The following CIDEC variants were observed in gnomAD, a reference collection of about 807,000 sequenced individuals.
CIDEC encodes the protein lipid transferase CIDEC.
A neutral mutation model predicts 21.9 loss-of-function variants in CIDEC; 11 were observed. That is an observed-to-expected ratio of 0.50 (90% CI 0.32 to 0.83). The LOEUF is 0.83. Among genes scored for constraint, CIDEC ranks in the 40% least tolerant of loss-of-function variants. The pLI is 0.04. For synonymous variants in CIDEC, 127 were observed against 124.9 expected (o/e 1.02, Z -0.11); for missense variants, 302 against 302.3 (o/e 1.00, Z 0.01).
intron 2 of CIDEC, 160 bp downstream of exon 2, chr3:9,878,782 A>G: frequency 1.3e-6 from 2 of 1,535,764 alleles, no homozygotes; most frequent in Non-Finnish European, 1.7e-6. Context: ...CACTCACTCC[A>G]TGTTTCTCAT....
intron 4 of CIDEC, among the ~76,000 whole-genome samples, chr3:9,870,768 T>C (rs2082337258): frequency 6.6e-6 from 1 of 151,966 alleles, no homozygotes; most frequent in Non-Finnish European, 1.5e-5. Flanking sequence ...GCCTCCCGAG[T>C]AGCTGGGACT....
At chr3:9,879,472 C>T (rs1287312193) in intron 1 of CIDEC, among the ~76,000 whole-genome samples, 1 of 152,026 alleles carries the variant, frequency 6.6e-6, no homozygotes, top group Admixed American at 6.5e-5. Context: ...GCACCTGGCA[C>T]AGGAGCTGTA....
Position 9,870,279 on chromosome 3 carries a change from A to T in CIDEC, c.251T>A (p.Val84Glu), listed in dbSNP as rs1304763852. 1 of 1,613,904 alleles carries T rather than the reference A, an allele frequency of 6.2e-7. No homozygotes were observed. Among genetic ancestry groups the T allele is most frequent in the Non-Finnish European group, 8.5e-7 (1 of 1,179,960 alleles). Residue 84 changes from valine to glutamate, a missense_variant, in exon 5 of 7, where the codon GTG becomes GAG. Val to Glu is a moderately radical substitution (Grantham distance 121). Coordinates refer to ENST00000336832, the MANE Select transcript of CIDEC (RefSeq NM_001321142.2). ...LMLADKPFFLVLEEDGTTVET... is the reference protein window; with the variant it reads ...LMLADKPFFLELEEDGTTVET... ...TACAGTTGTGCCATCTTCCTCCAGC[A>T]CCAGGAAGAAGGGCTTGTCTGCCAG...
chr3:9,872,009 C>T (rs1472130772), intron 4 of CIDEC, among the ~76,000 whole-genome samples: 2 of 151,982 alleles, frequency 1.3e-5, no homozygotes, highest in African/African-American at 4.8e-5. Flanking sequence ...TAGGATCTCA[C>T]CATGTTGCCA....
At chr3:9,870,530 T>TGATA in intron 4 of CIDEC, 1 of 1,427,794 alleles carries the variant, frequency 7.0e-7, no homozygotes, top group South Asian at 1.2e-5. Context: ...TTTTTAATTG[T>TGATA]GATACAGTTT....
Position 9,878,470 on chromosome 3 carries a change from T to G in CIDEC, c.17A>C (p.Lys6Thr). The G allele has an allele frequency of 6.2e-7, 1 of 1,614,038 alleles. No homozygotes were observed. Among genetic ancestry groups the G allele is most frequent in the East Asian group, 2.2e-5 (1 of 44,882 alleles). The change falls in exon 3 of 7, where the codon AAG (lysine) becomes ACG (threonine). Residue 6 changes from lysine to threonine, a missense_variant. Coordinates refer to ENST00000336832, the MANE Select transcript of CIDEC (RefSeq NM_001321142.2). MEYAM[K>T]SLSLLYPKSL... ...CTTGGGGTAGAGAAGGCTAAGGGAC[T>G]TCATGGCGTATTCCATCCTTGTCAG...
Position 9,869,970 on chromosome 3 carries a change from T to C in CIDEC, c.466A>G (p.Ile156Val). Reference sequence around the variant, plus strand: ...GTCGCCTTCACGTTCAGGCAGCCAATGAAGTCCTGTGGGTTCAGCTTGTAC... The same window carrying C: ...GTCGCCTTCACGTTCAGGCAGCCAACGAAGTCCTGTGGGTTCAGCTTGTAC... The part of the protein sequence containing the change: ...DLYKLNPQDF[I>V]GCLNVKATFY... The change falls in exon 6 of 7, where the codon ATT (isoleucine) becomes GTT (valine). Residue 156 changes from isoleucine to valine, a missense_variant. By Grantham distance (29) the Ile-to-Val change is conservative (BLOSUM62 3). Transcript: ENST00000336832. The C allele has an allele frequency of 6.2e-7, 1 of 1,614,168 alleles. No homozygotes were observed.
At chr3:9,878,241 G>A in intron 3 of CIDEC, 193 bp downstream of exon 3, 1 of 634,810 alleles carries the variant, frequency 1.6e-6, no homozygotes, top group Non-Finnish European at 2.9e-6. Context: ...TGGTGGTGGT[G>A]TAAGCAGCAG....
chr3:9,871,954 G>C (rs2082354052), intron 4 of CIDEC, among the ~76,000 whole-genome samples: 1 of 151,700 alleles, frequency 6.6e-6, no homozygotes, highest in East Asian at 1.9e-4. Context: ...TCGTTTGTTT[G>C]TTTTGTTTTT....
At position 9,877,053 on chromosome 3, in the gene CIDEC, C is replaced by T; in HGVS notation, c.207+13G>A. 6.5e-7 allele frequency: 1 copy of T among 1,549,856 alleles called. No homozygotes were observed. The highest frequency in any genetic ancestry group is 1.4e-5 in the African/African-American group (1 of 73,176). ...GCTCACAGCTGGGCTGTGCAACGCGCAGGTGCTCTCACCTTGAGGAGGAGG... is the reference window on the plus strand; with the variant it reads ...GCTCACAGCTGGGCTGTGCAACGCGTAGGTGCTCTCACCTTGAGGAGGAGG... On this transcript the variant is annotated intron_variant, in intron 4 of 6. Transcript: ENST00000336832.
intron 1 of CIDEC, 89 bp from the exon 2 acceptor site, chr3:9,879,143 G>A (rs2082470383): frequency 4.0e-6 from 1 of 249,710 alleles, no homozygotes; most frequent in South Asian, 1.0e-4. Flanking sequence ...AACATAACTA[G>A]TGTGATTCAG....
rs557130147 is a variant in CIDEC, at chr3:9,878,428, C to T, written c.53+6G>A. 6.2e-7 allele frequency: 1 copy of T among 1,608,954 alleles called. No homozygotes were observed. The highest frequency in any genetic ancestry group is 1.3e-5 in the African/African-American group (1 of 74,838). ...CTCTTTCCATTCTGCCCATGACTTT[C>T]CTCACCTGGAGAGGGACTTGGGGTA... On this transcript the variant is annotated splice_donor_region_variant and intron_variant, in intron 3 of 6. Transcript: ENST00000336832.
intron 1 of CIDEC, among the ~76,000 whole-genome samples, chr3:9,879,334 C>A (rs971879134): frequency 1.3e-5 from 2 of 151,698 alleles, no homozygotes; most frequent in Non-Finnish European, 2.9e-5. Context: ...AGTTTAGTTT[C>A]GTTTTGTTTG....
At chr3:9,879,197 G>C (rs1317780305) in intron 1 of CIDEC, 143 bp from the exon 2 acceptor site, 1 of 156,132 alleles carries the variant, frequency 6.4e-6, no homozygotes, top group Non-Finnish European at 1.3e-5. Flanking sequence ...TTGTCACCCA[G>C]GCTGGAGTGC....
At chr3:9,876,598 G>T (rs560027278) in intron 4 of CIDEC, among the ~76,000 whole-genome samples, 2 of 149,738 alleles carry the variant, frequency 1.3e-5, no homozygotes, top group Admixed American at 6.6e-5. Flanking sequence ...CTCTACTAAA[G>T]TACAAAAAAT....
Position 9,870,145 on chromosome 3 carries a change from G to A in CIDEC, c.366+19C>T, listed in dbSNP as rs183850717. 5.6e-6 allele frequency: 9 copies of A among 1,614,024 alleles called. No individual in the cohort carries two copies. The East Asian group carries it at 1.8e-4, about 32-fold the overall frequency. On this transcript the variant is annotated intron_variant, in intron 5 of 6. Coordinates refer to ENST00000336832, the MANE Select transcript of CIDEC (RefSeq NM_001321142.2). The stretch of plus-strand genomic sequence containing the variant: ...GTCCCGATTTTCTCCCCCATCAGGT[G>A]CAACAGGTGGGACCTCACCTGTTCT...
chr3:9,878,441 G>A lies in CIDEC; in HGVS notation c.46C>T (p.Leu16Phe), dbSNP rs1160765600. 5.0e-6 allele frequency: 8 copies of A among 1,612,422 alleles called. No individual in the cohort carries two copies. Among genetic ancestry groups the A allele is most frequent in the African/African-American group, 1.3e-5 (1 of 74,872 alleles). The change falls in exon 3 of 7, where the codon CTC (leucine) becomes TTC (phenylalanine). Residue 16 changes from leucine (L) to phenylalanine (F), a missense_variant. By Grantham distance (22) the Leu-to-Phe change is conservative (BLOSUM62 0). Coordinates refer to ENST00000336832, the MANE Select transcript of CIDEC (RefSeq NM_001321142.2). ...GCCCATGACTTTCCTCACCTGGAGA[G>A]GGACTTGGGGTAGAGAAGGCTAAGG... ...KSLSLLYPKS[L>F]SRHVSVRTSV...
At chr3:9,876,757 CA>C (rs6147705) in intron 4 of CIDEC, among the ~76,000 whole-genome samples, 624 of 67,604 alleles carry the variant, frequency 9.2e-3, no homozygotes, top group African/African-American at 0.026. Context: ...GACTTCGTCT[CA>C]AAAAAAAAAA....
chr3:9,875,466 T>C (rs1269547879), intron 4 of CIDEC, among the ~76,000 whole-genome samples: 1 of 150,676 alleles, frequency 6.6e-6, no homozygotes, highest in Non-Finnish European at 1.5e-5. Flanking sequence ...TTCAAAATGG[T>C]CAAGGCCATG....
Sources: allele counts gnomAD v4.1 joint callset (sites outside exome capture counted in the v4.1 genomes callset), GRCh38; gene constraint gnomAD v4.1.1; transcripts MANE v1.5; gene names NCBI Gene and HGNC (gene_info 2026-07-23, HGNC 2026-07-21).